Variants in TANGO2 observed in about 807,000 individuals in gnomAD.
TANGO2 encodes the protein transport and Golgi organization protein 2 homolog.
In TANGO2, 26 loss-of-function variants were observed where a neutral mutation model predicts 39.1. That is an observed-to-expected ratio of 0.67 (90% CI 0.49 to 0.92). TANGO2 has a LOEUF of 0.92. Among genes scored for constraint, TANGO2 ranks in the 40% least tolerant of loss-of-function variants. The pLI, the probability that TANGO2 is intolerant of heterozygous loss-of-function variation, is 0.00. For missense variants in TANGO2, 326 were observed against 360.1 expected, an observed-to-expected ratio of 0.91 and a Z score of 0.77; for synonymous variants, 131 against 144.5, an observed-to-expected ratio of 0.91 and a Z score of 0.67.
intron 8 of TANGO2, 54 bp downstream of exon 8, chr22:20,063,496 C>G: frequency 6.7e-7 from 1 of 1,484,004 alleles, no homozygotes; most frequent in Non-Finnish European, 9.2e-7. Context: ...ACCTCCCACG[C>G]TAGAGGGCCG....
chr22:20,043,180 C>T (rs1449291696), intron 2 of TANGO2, among the ~76,000 whole-genome samples, 175 bp from the exon 3 acceptor site: 1 of 152,246 alleles, frequency 6.6e-6, no homozygotes. Context: ...CCCGAGAGCT[C>T]ACCTGGAGCC....
intron 3 of TANGO2, among the ~76,000 whole-genome samples, chr22:20,045,080 G>C (rs1381063804): frequency 6.6e-6 from 1 of 152,130 alleles, no homozygotes; most frequent in Non-Finnish European, 1.5e-5. Context: ...AAAAGTTTAG[G>C]ACAGTGGTTC....
chr22:20,037,073 C>T, intron 2 of TANGO2: 1 of 1,531,830 alleles, frequency 6.5e-7, no homozygotes, highest in Non-Finnish European at 8.8e-7. Context: ...CGTGAAGACT[C>T]AGCCACAGAA....
At position 20,065,495 on chromosome 22, in the gene TANGO2, C is replaced by T. The variant is rs2049096208; in HGVS notation, c.*833C>T. On this transcript the variant is annotated 3_prime_UTR_variant, in exon 9 of 9. Transcript: ENST00000327374. Reference sequence around the variant, plus strand: ...TAGCTGGGATTACAGGCGTGTGCCACCATGCCCAGCTAATTTTTGTGTTTT... The same window carrying T: ...TAGCTGGGATTACAGGCGTGTGCCATCATGCCCAGCTAATTTTTGTGTTTT... 2 of 152,320 alleles carry T rather than the reference C, an allele frequency of 1.3e-5. No individual in the cohort carries two copies. Among genetic ancestry groups the T allele is most frequent in the Admixed American group, 6.5e-5 (1 of 15,280 alleles). 9.4% of individuals were successfully genotyped at this position (152,320 alleles called of 1,614,324 possible). A position where few individuals can be genotyped will look rare whatever the true frequency, so the allele number is the denominator to read the frequency against.
chr22:20,063,120 C>T (rs1205259315), intron 7 of TANGO2: 11 of 517,396 alleles, frequency 2.1e-5, no homozygotes, highest in Admixed American at 6.9e-5. Flanking sequence ...CGTACCATTG[C>T]GCTCTAGTCT....
At chr22:20,035,511 T>A (rs1297076391) in intron 1 of TANGO2, among the ~76,000 whole-genome samples, 1 of 152,246 alleles carries the variant, frequency 6.6e-6, no homozygotes, top group African/African-American at 2.4e-5. Context: ...CTAATCTCCG[T>A]TCTGCACTCG....
At chr22:20,038,642 A>G (rs2043304048) in intron 2 of TANGO2, among the ~76,000 whole-genome samples, 1 of 152,218 alleles carries the variant, frequency 6.6e-6, no homozygotes, top group Non-Finnish European at 1.5e-5. Flanking sequence ...GCCCTAAGCC[A>G]AAGACGAAAT....
chr22:20,026,171 G>C (rs546310684), intron 1 of TANGO2, among the ~76,000 whole-genome samples: 4 of 152,204 alleles, frequency 2.6e-5, no homozygotes, highest in Admixed American at 1.3e-4. Flanking sequence ...AGGCTGAGGC[G>C]GGGGGATCAT....
Position 20,064,686 on chromosome 22 carries a change from G to A in TANGO2, c.*24G>A, listed in dbSNP as rs1389571843. 3 of 1,612,718 alleles carry A rather than the reference G, an allele frequency of 1.9e-6. No individual in the cohort carries two copies. The highest frequency in any genetic ancestry group is 2.5e-6 in the Non-Finnish European group (3 of 1,179,378). ...AACCCCACCTCTGGGCCTGGCCAGT[G>A]GGCTCCTGGGGGGCCCTGCCTTGAG... On this transcript the variant is annotated 3_prime_UTR_variant, in exon 9 of 9. Transcript: ENST00000327374.
rs1279346901 is a variant in TANGO2, at chr22:20,057,670, G to A, written c.451+1657G>A. Among the ~76,000 whole-genome samples the A allele has an allele frequency of 6.6e-6, 1 of 152,240 alleles. No homozygotes were observed. The highest frequency in any genetic ancestry group is 1.5e-5 in the Non-Finnish European group (1 of 68,038). The stretch of plus-strand genomic sequence containing the variant: ...CTGGCTGTCTCAGCCAGCTCTTGCT[G>A]TTCCACCTGCCCCAGAACCTCCGCA... On this transcript the variant is annotated intron_variant, in intron 6 of 8. Transcript: ENST00000327374. This position sits in a 1 kb window ranked among gnomAD's most constrained non-coding sequence, Gnocchi z 4.1.
chr22:20,035,818 G>A (rs552218384), intron 1 of TANGO2, among the ~76,000 whole-genome samples: 2 of 152,308 alleles, frequency 1.3e-5, no homozygotes, highest in East Asian at 3.9e-4. Context: ...GCATGTGGGG[G>A]ACAGTCTTGA....
upstream of TANGO2, among the ~76,000 whole-genome samples, chr22:20,017,607 C>T (rs546330867): frequency 2.0e-5 from 3 of 152,328 alleles, no homozygotes; most frequent in South Asian, 6.2e-4. Context: ...AGCTCTGCGT[C>T]TGGGGAGGCA....
intron 1 of TANGO2, among the ~76,000 whole-genome samples, chr22:20,031,847 G>A (rs2041925176): frequency 2.0e-5 from 3 of 152,212 alleles, no homozygotes; most frequent in Admixed American, 6.5e-5. Flanking sequence ...ATCCAGTGCC[G>A]AGGCCATCCT....
In TANGO2 at chr22:20,024,010, C is replaced by T. The variant is rs766285341; in HGVS notation, c.-40+2764C>T. On this transcript the variant is annotated intron_variant, in intron 1 of 8. Coordinates refer to ENST00000327374, the MANE Select transcript of TANGO2 (RefSeq NM_152906.7). ...CAGCCTGGCCAACATAGTGAAACCC[C>T]GTCCCTACTAAAAACAAAATACAAA... Among the ~76,000 whole-genome samples the T allele has an allele frequency of 7.2e-5, 11 of 152,088 alleles. No homozygotes were observed. The East Asian group carries it at 7.7e-4, about 11-fold the overall frequency.
chr22:20,025,200 C>G (rs1488686218), intron 1 of TANGO2, among the ~76,000 whole-genome samples: 1 of 149,958 alleles, frequency 6.7e-6, no homozygotes, highest in Non-Finnish European at 1.5e-5. Context: ...CAATGCGATT[C>G]TCCTGCCTCA....
At chr22:20,034,428 T>C (rs2042460457) in intron 1 of TANGO2, among the ~76,000 whole-genome samples, 1 of 152,158 alleles carries the variant, frequency 6.6e-6, no homozygotes, top group Non-Finnish European at 1.5e-5. Context: ...CTTTGAAAAA[T>C]GATTTTGAGA....
upstream of TANGO2, among the ~76,000 whole-genome samples, chr22:20,019,685 G>A (rs897231267): frequency 6.6e-6 from 1 of 152,220 alleles, no homozygotes; most frequent in Non-Finnish European, 1.5e-5. Context: ...TTCTCCAGGT[G>A]CTGCCATGAA....
In TANGO2 at chr22:20,061,640, G is replaced by A. The variant is rs763792940; in HGVS notation, c.562G>A (p.Val188Met). 1.3e-5 allele frequency: 21 copies of A among 1,563,724 alleles called. No individual in the cohort carries two copies. The highest frequency in any genetic ancestry group is 1.7e-5 in the Non-Finnish European group (20 of 1,153,496). Residue 188 changes from valine (V) to methionine (M), a missense_variant, in exon 7 of 9, where the codon GTG becomes ATG. By Grantham distance (21) the Val-to-Met change is conservative. Transcript: ENST00000327374. ...ACGGAGCCAGGCGCTGCCCAAGGAT[G>A]TGCTCATCGCCAGCCTCCTGGATGT... ...VERSQALPKDVLIASLLDVLN... is the reference protein window; with the variant it reads ...VERSQALPKDMLIASLLDVLN...
At position 20,053,537 on chromosome 22, in the gene TANGO2, A is replaced by T; in HGVS notation, c.366A>T (p.Ile122=). 6.2e-7 allele frequency: 1 copy of T among 1,611,588 alleles called. No individual in the cohort carries two copies. Among genetic ancestry groups the T allele is most frequent in the East Asian group, 2.2e-5 (1 of 44,844 alleles). ...EGHLYNGFNL[I]AADLSTAKGD... ...ATCTGTACAATGGCTTCAACCTCATAGCAGCCGACCTGAGGTGGGTCTGCC... is the reference window on the plus strand; with the variant it reads ...ATCTGTACAATGGCTTCAACCTCATTGCAGCCGACCTGAGGTGGGTCTGCC... The change falls in exon 5 of 9, where the codon ATA becomes ATT. Residue 122 remains isoleucine, a synonymous_variant. Coordinates refer to ENST00000327374, the MANE Select transcript of TANGO2 (RefSeq NM_152906.7).
Sources: allele counts gnomAD v4.1 joint callset (sites outside exome capture counted in the v4.1 genomes callset), GRCh38; gene constraint gnomAD v4.1.1; non-coding constraint Gnocchi (gnomAD v3.1); transcripts MANE v1.5; gene names NCBI Gene and HGNC (gene_info 2026-07-23, HGNC 2026-07-21).